The following TRIML1 variants were observed in gnomAD, a reference collection of about 807,000 sequenced individuals.
The protein encoded by TRIML1 is tripartite motif family like 1, also known as probable E3 ubiquitin-protein ligase TRIML1.
Under a neutral mutation model 32.3 loss-of-function variants are expected in TRIML1, and 34 were observed. The observed-to-expected ratio is 1.05, with a 90% CI of 0.80 to 1.40. TRIML1 has a LOEUF of 1.40. Among genes scored for constraint, TRIML1 ranks in the 40% most tolerant of loss-of-function variants. TRIML1 has a pLI of 0.00. For synonymous variants in TRIML1, 244 were observed against 226.6 expected, an observed-to-expected ratio of 1.08 and a Z score of -0.69; for missense variants, 595 against 574.9, an observed-to-expected ratio of 1.03 and a Z score of -0.36.
At position 188,139,762 on chromosome 4, in the gene TRIML1, C is replaced by T. The variant is rs143817654; in HGVS notation, c.204C>T (p.Asn68=). Residue 68 remains asparagine, a synonymous_variant, in exon 1 of 6, where the codon AAC becomes AAT. Transcript: ENST00000332517. ...TGGAGGGCCCGCATTTCCAGTCAAA[C>T]GAGCGTCTGGGGAGGCTGGCCAGCA... is the stretch of plus-strand genomic sequence containing the variant. ...RTLEGPHFQS[N]ERLGRLASIA... The T allele has an allele frequency of 1.5e-5, 25 of 1,613,926 alleles. No individual in the cohort carries two copies. The African/African-American group carries it at 2.1e-4, about 14-fold the overall frequency.
At chr4:188,141,196 C>CAG (rs1734841991) in intron 2 of TRIML1, among the ~76,000 whole-genome samples, 1 of 112,712 alleles carries the variant, frequency 8.9e-6, no homozygotes, top group African/African-American at 3.3e-5. Flanking sequence ...GAGATGGAGT[C>CAG]TCTCTCTGTC....
At position 188,139,643 on chromosome 4, in the gene TRIML1, A is replaced by T. The variant is rs762385224; in HGVS notation, c.85A>T (p.Thr29Ser). 1.9e-6 allele frequency: 3 copies of T among 1,614,026 alleles called. No individual in the cohort carries two copies. Among genetic ancestry groups the T allele is most frequent in the Non-Finnish European group, 2.5e-6 (3 of 1,180,042 alleles). The change falls in exon 1 of 6, where the codon ACC becomes TCC. Residue 29 changes from threonine (T) to serine (S), a missense_variant. By Grantham distance (58) the Thr-to-Ser change is moderately conservative. Transcript: ENST00000332517. ...CLDYFSSPVT[T>S]ECGHSFCLVC... is the part of the protein sequence containing the mutation. ...AGACTATTTCAGCAGCCCAGTGACC[A>T]CCGAGTGTGGGCACAGCTTTTGTCT... is the stretch of plus-strand genomic sequence containing the variant.
intron 1 of TRIML1, 100 bp downstream of exon 1, chr4:188,140,066 G>GACGTTA: frequency 7.8e-7 from 1 of 1,279,554 alleles, no homozygotes; most frequent in Non-Finnish European, 1.1e-6. Flanking sequence ...CAGTCACGAG[G>GACGTTA]GCCCATCTGA....
intron 5 of TRIML1, among the ~76,000 whole-genome samples, chr4:188,144,875 G>A (rs1057211582): frequency 6.6e-6 from 1 of 152,118 alleles, no homozygotes; most frequent in African/African-American, 2.4e-5. Context: ...AACACTGAGA[G>A]ACGTCAGGAT....
At chr4:188,139,421 A>G, upstream of TRIML1, 1 of 818,992 alleles carries the variant, frequency 1.2e-6, no homozygotes, top group Non-Finnish European at 1.9e-6. Flanking sequence ...AATCAGGCAC[A>G]GAAGAGATAA....
At chr4:188,144,156 C>T (rs1237923565) in intron 5 of TRIML1, 23 bp downstream of exon 5, 2 of 1,597,602 alleles carry the variant, frequency 1.3e-6, no homozygotes, top group Non-Finnish European at 1.7e-6. Flanking sequence ...GATTTGTTAC[C>T]CCTCCGGGGC....
Position 188,142,225 on chromosome 4 carries a change from TGTGTGTG to T in TRIML1, c.505-26_505-20del, listed in dbSNP as rs1734886923. The T allele has an allele frequency of 7.4e-7, 1 of 1,349,744 alleles. No homozygotes were observed. Among genetic ancestry groups the T allele is most frequent in the African/African-American group, 1.5e-5 (1 of 67,412 alleles). 83.6% of individuals were successfully genotyped at this position (1,349,744 alleles called of 1,614,324 possible). On this transcript the variant is annotated intron_variant, in intron 2 of 5. Transcript: ENST00000332517. The stretch of plus-strand genomic sequence containing the variant: ...TTTATCTCGTGTGTGTGTGTGTGTG[TGTGTGTG>T]TGTGTGTGTGTTTTGGCAGGAAGAA...
chr4:188,150,726 C>A (rs1228907752), downstream of TRIML1, among the ~76,000 whole-genome samples: 1 of 151,502 alleles, frequency 6.6e-6, no homozygotes, highest in Non-Finnish European at 1.5e-5. Context: ...CCCAGTGGCT[C>A]TTTGCTGCAC....
intron 5 of TRIML1, among the ~76,000 whole-genome samples, chr4:188,144,533 T>G (rs1734994051): frequency 7.2e-6 from 1 of 139,210 alleles, no homozygotes. Flanking sequence ...TGGGTAATTT[T>G]TTGTATTTTT....
At chr4:188,139,319 C>CA, upstream of TRIML1, 2 of 400,104 alleles carry the variant, frequency 5.0e-6, no homozygotes, top group Admixed American at 4.2e-5. Flanking sequence ...AGATAAGTCT[C>CA]AAAGTTTGGG....
In TRIML1 at chr4:188,147,623, C is replaced by T. The variant is rs1735140693; in HGVS notation, c.*251C>T. 2.8e-6 allele frequency: 1 copy of T among 355,924 alleles called. No individual in the cohort carries two copies. The highest frequency in any genetic ancestry group is 2.1e-5 in the African/African-American group (1 of 47,908). The allele number at this position is 355,924 out of a possible 1,614,324, so 22.0% of individuals were successfully genotyped here. A position where few individuals can be genotyped will look rare whatever the true frequency, so the allele number is the denominator to read the frequency against. On this transcript the variant is annotated 3_prime_UTR_variant, in exon 6 of 6. Transcript: ENST00000332517. ...AGTAAATGTATTCTCTGGGCTACCC[C>T]ATGTGTGTGCTGGTCACTCAAATAT...
chr4:188,144,063 A>G lies in TRIML1; in HGVS notation c.786A>G (p.Pro262=). The change falls in exon 5 of 6, where the codon CCA becomes CCG. Residue 262 remains proline (P), a synonymous_variant. Coordinates refer to ENST00000332517, the MANE Select transcript of TRIML1 (RefSeq NM_178556.5). ...ERSEPLLLQC[P]EATTTELSLC... ...GCGAGCCACTCTTGCTTCAGTGTCC[A>G]GAGGCCACCACCACAGAGCTGAGTC... 6.2e-7 allele frequency: 1 copy of G among 1,614,120 alleles called. No homozygotes were observed. The highest frequency in any genetic ancestry group is 1.1e-5 in the South Asian group (1 of 91,080).
chr4:188,140,420 C>A (rs1368613044), intron 1 of TRIML1, 108 bp from the exon 2 acceptor site: 50 of 859,698 alleles, frequency 5.8e-5, no homozygotes, highest in Non-Finnish European at 9.1e-5. Flanking sequence ...CCGCACCCAG[C>A]CTGCCCTTTG....
chr4:188,147,426 A>G lies in TRIML1; in HGVS notation c.*54A>G. ...CGATGTCTGAGACCAAGACACAACT[A>G]TTAAGACGATGAAGGCATCGACAGT... On this transcript the variant is annotated 3_prime_UTR_variant, in exon 6 of 6. Transcript: ENST00000332517. The G allele has an allele frequency of 7.1e-7, 1 of 1,404,232 alleles. No homozygotes were observed. The highest frequency in any genetic ancestry group is 9.3e-7 in the Non-Finnish European group (1 of 1,073,864). 87.0% of individuals were successfully genotyped at this position (1,404,232 alleles called of 1,614,324 possible). A position where few individuals can be genotyped will look rare whatever the true frequency, so the allele number is the denominator to read the frequency against.
chr4:188,149,847 G>A (rs1461630649), downstream of TRIML1, among the ~76,000 whole-genome samples: 1 of 152,106 alleles, frequency 6.6e-6, no homozygotes, highest in Non-Finnish European at 1.5e-5. Flanking sequence ...TCTCTCGCCA[G>A]GCTGGAATGC....
chr4:188,137,295 CTTTTTTTTT>C (rs67050879), upstream of TRIML1, among the ~76,000 whole-genome samples: 1 of 58,758 alleles, frequency 1.7e-5, no homozygotes, highest in Non-Finnish European at 3.1e-5. Context: ...TTATTGTAGT[CTTTTTTTTT>C]TTTTTTTTTT....
At chr4:188,140,036 C>G (rs1579161813) in intron 1 of TRIML1, 70 bp downstream of exon 1, 1 of 1,482,656 alleles carries the variant, frequency 6.7e-7, no homozygotes, top group Non-Finnish European at 9.1e-7. Context: ...CTGACGTTTC[C>G]TAACGTCCTC....
At chr4:188,142,132 A>AC in intron 2 of TRIML1, 120 bp from the exon 3 acceptor site, 1 of 647,114 alleles carries the variant, frequency 1.5e-6, no homozygotes, top group Non-Finnish European at 2.4e-6. Flanking sequence ...AAAAAAAAAA[A>AC]GAAAGAAAGA....
chr4:188,137,916 C>CCTTTT (rs1398889228), upstream of TRIML1, among the ~76,000 whole-genome samples: 2 of 131,524 alleles, frequency 1.5e-5, no homozygotes, highest in Non-Finnish European at 3.2e-5. Context: ...CCTGGCCAAA[C>CCTTTT]TTTTTTTCTT....
Sources: allele counts gnomAD v4.1 joint callset (sites outside exome capture counted in the v4.1 genomes callset), GRCh38; gene constraint gnomAD v4.1.1; transcripts MANE v1.5; gene names NCBI Gene and HGNC (gene_info 2026-07-23, HGNC 2026-07-21).